SPATS1: variants seen among roughly 807,000 people sequenced by gnomAD.
SPATS1 encodes the protein spermatogenesis associated serine rich 1.
Under a neutral mutation model 33.6 loss-of-function variants are expected in SPATS1, and 23 were observed. That is an observed-to-expected ratio of 0.68 (90% CI 0.49 to 0.97). The LOEUF is 0.97. Among genes scored for constraint, SPATS1 ranks in the 50% least tolerant of loss-of-function variants. The pLI, the probability that SPATS1 is intolerant of heterozygous loss-of-function variation, is 0.00. For synonymous variants in SPATS1, 131 were observed against 125.6 expected, an observed-to-expected ratio of 1.04 and a Z score of -0.29; for missense variants, 327 against 361.0, an observed-to-expected ratio of 0.91 and a Z score of 0.76.
intron 5 of SPATS1, among the ~76,000 whole-genome samples, chr6:44,365,542 C>A (rs1789192938): frequency 6.6e-6 from 1 of 152,190 alleles, no homozygotes; most frequent in African/African-American, 2.4e-5. Context: ...TGTGACCTTT[C>A]CATCTCAACC....
chr6:44,361,921 G>T lies in SPATS1; in HGVS notation c.503G>T (p.Gly168Val). 1.2e-6 allele frequency: 2 copies of T among 1,614,212 alleles called. No homozygotes were observed. Among genetic ancestry groups the T allele is most frequent in the Non-Finnish European group, 1.7e-6 (2 of 1,180,032 alleles). The change falls in exon 5 of 9, where the codon GGA becomes GTA. Residue 168 changes from glycine (G) to valine (V), a missense_variant. Gly to Val is a moderately radical substitution (Grantham distance 109). Transcript: ENST00000674044. ...YHVGKQCFFN[G>V]VFLGNKRSLS... ...GTCGGAAAGCAGTGCTTCTTTAATG[G>T]AGTCTTCCTCGGCAACAAGAGGTCT... is the stretch of plus-strand genomic sequence containing the variant.
At chr6:44,366,246 T>A (rs1404432261) in intron 5 of SPATS1, among the ~76,000 whole-genome samples, 3 of 152,070 alleles carry the variant, frequency 2.0e-5, no homozygotes, top group African/African-American at 4.8e-5. Flanking sequence ...TGCCTCAGCC[T>A]CCTGAGTAGC....
intron 2 of SPATS1, among the ~76,000 whole-genome samples, chr6:44,349,390 G>T (rs1788102493): frequency 6.6e-6 from 1 of 151,628 alleles, no homozygotes; most frequent in Non-Finnish European, 1.5e-5. Context: ...GTGGACAATA[G>T]TGATTGAGTT....
intron 2 of SPATS1, among the ~76,000 whole-genome samples, chr6:44,350,739 G>A (rs570572078): frequency 6.6e-6 from 1 of 152,204 alleles, no homozygotes; most frequent in Non-Finnish European, 1.5e-5. Context: ...GCTGATAGAT[G>A]GTGGGAATTT....
At chr6:44,345,354 C>A (rs1048995176) in intron 2 of SPATS1, among the ~76,000 whole-genome samples, 1 of 152,144 alleles carries the variant, frequency 6.6e-6, no homozygotes, top group Admixed American at 6.5e-5. Flanking sequence ...ATAGTGGCCA[C>A]AGGCCACTTT....
At chr6:44,346,314 A>C (rs1450912086) in intron 2 of SPATS1, among the ~76,000 whole-genome samples, 1 of 150,262 alleles carries the variant, frequency 6.7e-6, no homozygotes, top group Non-Finnish European at 1.5e-5. Flanking sequence ...ATAACCACCC[A>C]CTCCCCCAAA....
rs987850664 is a variant in SPATS1, at chr6:44,377,869, C to T, written c.*806C>T. 1 of 152,214 alleles carries T rather than the reference C, an allele frequency of 6.6e-6. No homozygotes were observed. The highest frequency in any genetic ancestry group is 2.4e-5 in the African/African-American group (1 of 41,434). 9.4% of individuals were successfully genotyped at this position (152,214 alleles called of 1,614,324 possible). A position where few individuals can be genotyped will look rare whatever the true frequency, so the allele number is the denominator to read the frequency against. On this transcript the variant is annotated 3_prime_UTR_variant, in exon 9 of 9. Transcript: ENST00000674044. ...CATGACCTAATCGCCTCCCAATGGC[C>T]TTACCTCCTAATACCATCACCTTGG...
At chr6:44,345,476 C>T (rs1021823116) in intron 2 of SPATS1, among the ~76,000 whole-genome samples, 1 of 152,122 alleles carries the variant, frequency 6.6e-6, no homozygotes, top group African/African-American at 2.4e-5. Flanking sequence ...ACATTTTGTT[C>T]CTAACACAAA....
At chr6:44,370,426 T>C (rs773743126) in intron 7 of SPATS1, among the ~76,000 whole-genome samples, 17 of 151,996 alleles carry the variant, frequency 1.1e-4, no homozygotes, top group Non-Finnish European at 2.2e-4. Context: ...ATGAGTATGT[T>C]GGGAAAAAAA....
rs549801826 is a variant in SPATS1 at position 44,360,651 on chromosome 6, G to A, written c.412+81G>A. ...TGCCATACTGTTGGCCACCCTCATC[G>A]AAGGCCCACAACTGTCAAGCATTTG... On this transcript the variant is annotated intron_variant, in intron 4 of 8. Coordinates refer to ENST00000674044, the MANE Select transcript of SPATS1 (RefSeq NM_001372081.1). 104 of 1,510,866 alleles carry A rather than the reference G, an allele frequency of 6.9e-5. 3 individuals are homozygous for A. In the South Asian group the frequency reaches 9.0e-4, roughly 13 times the overall value. 93.6% of individuals were successfully genotyped at this position (1,510,866 alleles called of 1,614,324 possible).
chr6:44,357,313 C>T (rs904833248), intron 3 of SPATS1, among the ~76,000 whole-genome samples: 25 of 152,114 alleles, frequency 1.6e-4, no homozygotes, highest in Admixed American at 5.9e-4. Flanking sequence ...TTTCCAGTGG[C>T]GTCGTCTATG....
intron 7 of SPATS1, among the ~76,000 whole-genome samples, chr6:44,375,967 G>A (rs1289568388): frequency 2.0e-5 from 3 of 152,048 alleles, no homozygotes; most frequent in African/African-American, 7.2e-5. Context: ...TTAGCCAGAT[G>A]TGGTGGCATG....
chr6:44,368,386 T>C lies in SPATS1; in HGVS notation c.582T>C (p.Asp194=). ...TTCAAACCTTCTCCACAGATATTGA[T>C]CCCAGGAATGGAATCCCAAAGTTAA... ...KCFGRKKYDI[D]PRNGIPKLTP... The change falls in exon 6 of 9, where the codon GAT becomes GAC. Residue 194 remains aspartate, a synonymous_variant. Coordinates refer to ENST00000674044, the MANE Select transcript of SPATS1 (RefSeq NM_001372081.1). 6.2e-7 allele frequency: 1 copy of C among 1,613,162 alleles called. No homozygotes were observed. The highest frequency in any genetic ancestry group is 8.5e-7 in the Non-Finnish European group (1 of 1,179,622).
At chr6:44,362,388 C>T (rs1561958218) in intron 5 of SPATS1, among the ~76,000 whole-genome samples, 1 of 152,290 alleles carries the variant, frequency 6.6e-6, no homozygotes, top group East Asian at 1.9e-4. Context: ...TCCCATAAAC[C>T]TCAGCCTGAA....
chr6:44,348,193 G>A (rs751080015), intron 2 of SPATS1, among the ~76,000 whole-genome samples: 3 of 152,004 alleles, frequency 2.0e-5, no homozygotes, highest in Non-Finnish European at 4.4e-5. Flanking sequence ...ATTTTTGGTA[G>A]AGACGGAGTT....
At chr6:44,368,062 AT>A (rs1789354614) in intron 5 of SPATS1, among the ~76,000 whole-genome samples, 1 of 152,182 alleles carries the variant, frequency 6.6e-6, no homozygotes, top group Non-Finnish European at 1.5e-5. Flanking sequence ...GAATGAAGAG[AT>A]TTTTAGGTCA....
At chr6:44,352,654 A>G (rs928528420) in intron 2 of SPATS1, 72 bp from the exon 3 acceptor site, 23 of 1,422,698 alleles carry the variant, frequency 1.6e-5, no homozygotes, top group Non-Finnish European at 2.2e-5. Context: ...ATTTATTTAT[A>G]ATCTAGGAAA....
intron 3 of SPATS1, among the ~76,000 whole-genome samples, chr6:44,355,691 C>T (rs947897241): frequency 1.3e-5 from 2 of 152,222 alleles, no homozygotes; most frequent in Non-Finnish European, 2.9e-5. Flanking sequence ...GGAAGTTGCT[C>T]AAGTGATTCT....
chr6:44,366,043 T>C (rs1004578425), intron 5 of SPATS1, among the ~76,000 whole-genome samples: 1 of 152,088 alleles, frequency 6.6e-6, no homozygotes, highest in Non-Finnish European at 1.5e-5. Context: ...TAACACCTTA[T>C]ACTGACATCA....
Sources: gnomAD v4.1 joint callset for allele counts (sites outside exome capture counted in the v4.1 genomes callset) on GRCh38, gnomAD v4.1.1 for gene constraint, MANE v1.5 for transcripts, NCBI Gene and HGNC (gene_info 2026-07-23, HGNC 2026-07-21) for gene names.